The following GPR137B variants were observed in gnomAD, a reference collection of about 807,000 sequenced individuals.
The protein encoded by GPR137B is integral membrane protein GPR137B.
GPR137B carries 42 observed loss-of-function variants against 42.5 expected under a neutral mutation model. The observed-to-expected ratio is 0.99, with a 90% CI of 0.77 to 1.28. The LOEUF (loss-of-function observed/expected upper bound fraction) is 1.28. GPR137B is among the 50% of genes most tolerant of loss of function. GPR137B has a pLI of 0.00. For missense variants in GPR137B, 487 were observed against 493.9 expected (o/e 0.99, Z 0.13); for synonymous variants, 218 against 209.7 (o/e 1.04, Z -0.34).
intron 1 of GPR137B, among the ~76,000 whole-genome samples, chr1:236,164,257 A>G (rs1414621879): frequency 1.3e-5 from 2 of 152,158 alleles, no homozygotes; most frequent in East Asian, 1.9e-4. Flanking sequence ...AACACCACCA[A>G]TTGGAAAGCC....
In GPR137B at chr1:236,205,106, A is replaced by ATGAT; in HGVS notation, c.967-18_967-15dup. On this transcript the variant is annotated intron_variant, in intron 5 of 6. Transcript: ENST00000366592. ...GGCATGATGTCTGTAAGTATGCTGAATGATTACCTGTCTTTCTAGACCAAC... is the reference window on the plus strand; with the variant it reads ...GGCATGATGTCTGTAAGTATGCTGAATGATTGATTACCTGTCTTTCTAGACCAAC... 1.2e-6 allele frequency: 2 copies of ATGAT among 1,606,546 alleles called. No individual in the cohort carries two copies. The highest frequency in any genetic ancestry group is 2.2e-5 in the South Asian group (2 of 90,620).
chr1:236,182,482 A>C (rs774647975), intron 4 of GPR137B, among the ~76,000 whole-genome samples: 1 of 152,112 alleles, frequency 6.6e-6, no homozygotes, highest in Non-Finnish European at 1.5e-5. Flanking sequence ...GGGTGGGTGC[A>C]GTGGCCTGTA....
intron 1 of GPR137B, among the ~76,000 whole-genome samples, chr1:236,157,256 G>A (rs1197556834): frequency 1.4e-5 from 2 of 140,982 alleles, no homozygotes; most frequent in Non-Finnish European, 3.0e-5. Flanking sequence ...ACGGAGTCCC[G>A]CTCAGTCGCC....
At chr1:236,174,256 C>T (rs753685399) in intron 2 of GPR137B, among the ~76,000 whole-genome samples, 4 of 152,146 alleles carry the variant, frequency 2.6e-5, no homozygotes, top group Non-Finnish European at 5.9e-5. Context: ...AACAAAGCCT[C>T]CTAAAGGCTC....
intron 1 of GPR137B, among the ~76,000 whole-genome samples, chr1:236,144,833 T>C (rs893299899): frequency 4.6e-5 from 7 of 152,148 alleles, no homozygotes; most frequent in Non-Finnish European, 1.0e-4. Flanking sequence ...TGGGGGGCAG[T>C]GGGGGAAGAG....
Position 236,142,601 on chromosome 1 carries a change from G to A in GPR137B, c.-22G>A. 1.5e-6 allele frequency: 2 copies of A among 1,290,634 alleles called. No homozygotes were observed. Among genetic ancestry groups the A allele is most frequent in the East Asian group, 6.4e-5 (2 of 31,098 alleles). The allele number at this position is 1,290,634 out of a possible 1,614,324, so 79.9% of individuals were successfully genotyped here. ...GCGATGCGCGGAGACCCCCGCGGGG[G>A]CGGCGGCGGCCGTGAGCCCCGATGA... is the stretch of plus-strand genomic sequence containing the variant. On this transcript the variant is annotated 5_prime_UTR_variant, in exon 1 of 7. Transcript: ENST00000366592.
At position 236,142,658 on chromosome 1, in the gene GPR137B, C is replaced by T; in HGVS notation, c.36C>T (p.Ala12=). The T allele has an allele frequency of 6.5e-7, 1 of 1,529,852 alleles. No individual in the cohort carries two copies. The highest frequency in any genetic ancestry group is 8.7e-7 in the Non-Finnish European group (1 of 1,143,650). 94.8% of individuals were successfully genotyped at this position (1,529,852 alleles called of 1,614,324 possible). ...AGCGTCCCCGGCCGCGCGGCAGCGC[C>T]CCCGGCCCGATGGAGACCCCGCCGT... ...RPERPRPRGS[A]PGPMETPPWD... The change falls in exon 1 of 7, where the codon GCC becomes GCT. Residue 12 remains alanine (A), a synonymous_variant. Coordinates refer to ENST00000366592, the MANE Select transcript of GPR137B (RefSeq NM_003272.4).
At chr1:236,206,013 A>G (rs1292954575) in intron 6 of GPR137B, among the ~76,000 whole-genome samples, 2 of 152,268 alleles carry the variant, frequency 1.3e-5, no homozygotes, top group Non-Finnish European at 2.9e-5. Context: ...ATTTATTAGA[A>G]TAAATTATAC....
chr1:236,153,044 A>G (rs1661914738), intron 1 of GPR137B, among the ~76,000 whole-genome samples: 1 of 151,492 alleles, frequency 6.6e-6, no homozygotes, highest in Non-Finnish European at 1.5e-5. Flanking sequence ...AGACAGAGCA[A>G]TACTCCATCT....
intron 2 of GPR137B, among the ~76,000 whole-genome samples, chr1:236,174,907 C>G (rs1167630312): frequency 6.6e-6 from 1 of 152,016 alleles, no homozygotes; most frequent in Non-Finnish European, 1.5e-5. Context: ...GCAGGGCCTC[C>G]GAATGGCAGG....
At position 236,182,277 on chromosome 1, in the gene GPR137B, A is replaced by AT. The variant is rs1350547176; in HGVS notation, c.838-1495dup. On this transcript the variant is annotated intron_variant, in intron 4 of 6. Transcript: ENST00000366592. ...GCCATCATCACCATCCATCTCTAGA[A>AT]TTTTTTCATCTTCCTAAACTGAAAC... Among the ~76,000 whole-genome samples the AT allele has an allele frequency of 4.2e-4, 64 of 152,054 alleles. 3 individuals carry two copies. Among genetic ancestry groups the AT allele is most frequent in the Non-Finnish European group, 4.4e-5 (3 of 68,014 alleles).
At chr1:236,162,664 C>T (rs1267430775) in intron 1 of GPR137B, among the ~76,000 whole-genome samples, 2 of 152,220 alleles carry the variant, frequency 1.3e-5, no homozygotes, top group Non-Finnish European at 2.9e-5. Context: ...AGAGCTCGGG[C>T]TGTGGCTTCA....
rs149518435 is a variant in GPR137B at position 236,208,076 on chromosome 1, G to T, written c.1118G>T (p.Gly373Val). 4.4e-3 allele frequency: 7,026 copies of T among 1,612,862 alleles called. 26 individuals carry two copies. Among genetic ancestry groups the T allele is most frequent in the Non-Finnish European group, 5.5e-3 (6,525 of 1,179,072 alleles). The change falls in exon 7 of 7, where the codon GGA becomes GTA. Residue 373 changes from glycine to valine, a missense_variant. Coordinates refer to ENST00000366592, the MANE Select transcript of GPR137B (RefSeq NM_003272.4). ...TTTGCTCCAGATTACTATGATTGGGGACAACAAACTAACAGCTTCCTGGCA... is the reference window on the plus strand; with the variant it reads ...TTTGCTCCAGATTACTATGATTGGGTACAACAAACTAACAGCTTCCTGGCA... ...GGFAPDYYDW[G>V]QQTNSFLAQA...
chr1:236,181,933 A>AC (rs1662891714), intron 4 of GPR137B, among the ~76,000 whole-genome samples: 1 of 128,688 alleles, frequency 7.8e-6, no homozygotes, highest in South Asian at 2.3e-4. Flanking sequence ...TCTCTCTGTC[A>AC]CCAGGCTGGA....
chr1:236,196,235 G>A (rs1663326282), intron 5 of GPR137B, among the ~76,000 whole-genome samples: 1 of 152,106 alleles, frequency 6.6e-6, no homozygotes. Flanking sequence ...TGCTTTCTGG[G>A]TTCAAGTGAT....
intron 6 of GPR137B, chr1:236,207,411 A>C: frequency 3.3e-6 from 1 of 305,834 alleles, no homozygotes; most frequent in Non-Finnish European, 4.8e-6. Context: ...TGCATCTCCT[A>C]TTAGTTGCTT....
intron 4 of GPR137B, 140 bp from the exon 5 acceptor site, chr1:236,183,638 A>T: frequency 1.8e-6 from 1 of 558,078 alleles, no homozygotes. Flanking sequence ...AATATAGTAT[A>T]TTCGGTAGTA....
chr1:236,150,015 C>T lies in GPR137B; in HGVS notation c.414+6979C>T, dbSNP rs1661802975. 6.8e-6 allele frequency among the ~76,000 whole-genome samples: 1 copy of T among 147,898 alleles called. No homozygotes were observed. The highest frequency in any genetic ancestry group is 2.2e-4 in the South Asian group (1 of 4,544). On this transcript the variant is annotated intron_variant, in intron 1 of 6. Coordinates refer to ENST00000366592, the MANE Select transcript of GPR137B (RefSeq NM_003272.4). This position sits in a 1 kb window ranked among gnomAD's most constrained non-coding sequence, Gnocchi z 6.2. ...TGTGTATGTGTGCCTGTGTGTGTGC[C>T]TGTGTGTGTACCTGTGTGTGTGTGT...
At chr1:236,146,109 C>T (rs1322731313) in intron 1 of GPR137B, among the ~76,000 whole-genome samples, 1 of 152,104 alleles carries the variant, frequency 6.6e-6, no homozygotes, top group African/African-American at 2.4e-5. Context: ...CTGCCCACCT[C>T]GGCCTCCCAA....
Sources: gnomAD v4.1 joint callset for allele counts (sites outside exome capture counted in the v4.1 genomes callset) on GRCh38, gnomAD v4.1.1 for gene constraint, Gnocchi (gnomAD v3.1) non-coding constraint, MANE v1.5 for transcripts, NCBI Gene and HGNC (gene_info 2026-07-23, HGNC 2026-07-21) for gene names.